The following FAM220A variants were observed in gnomAD, a reference collection of about 807,000 sequenced individuals.
The protein encoded by FAM220A is protein FAM220A.
For synonymous variants in FAM220A, 141 were observed against 130.7 expected (o/e 1.08, Z -0.54); for missense variants, 392 against 321.6 (o/e 1.22, Z -1.68).
intron 1 of FAM220A, among the ~76,000 whole-genome samples, chr7:6,343,397 CATATATATATAT>C (rs10529573): frequency 0.022 from 1,925 of 86,896 alleles, 29 homozygotes; most frequent in African/African-American, 0.033. Flanking sequence ...ATAATAATTT[CATATATATATAT>C]ATATATATAT....
At chr7:6,335,970 C>T (rs556845211) in intron 1 of FAM220A, among the ~76,000 whole-genome samples, 70 of 151,992 alleles carry the variant, frequency 4.6e-4, no homozygotes, top group African/African-American at 1.4e-3. Flanking sequence ...GACAGGAGTT[C>T]GAGATCAGCC....
In FAM220A at chr7:6,330,065, G is replaced by C. The variant is rs751780758; in HGVS notation, c.*310C>G. 3.0e-6 allele frequency: 1 copy of C among 329,044 alleles called. No homozygotes were observed. The highest frequency in any genetic ancestry group is 7.8e-5 in the East Asian group (1 of 12,752). 20.4% of individuals were successfully genotyped at this position (329,044 alleles called of 1,614,324 possible). A position where few individuals can be genotyped will look rare whatever the true frequency, so the allele number is the denominator to read the frequency against. ...TTTGGGACAGTAGCCCTTTAGAATGGATGTTGAAGACAGAACTTCATGGTA... is the reference window on the plus strand; with the variant it reads ...TTTGGGACAGTAGCCCTTTAGAATGCATGTTGAAGACAGAACTTCATGGTA... On this transcript the variant is annotated 3_prime_UTR_variant, in exon 2 of 2. Coordinates refer to ENST00000313324, the MANE Select transcript of FAM220A (RefSeq NM_001037163.2).
At position 6,348,596 on chromosome 7, in the gene FAM220A, T is replaced by C. The variant is rs890645995; in HGVS notation, c.-105A>G. 4.4e-6 allele frequency: 2 copies of C among 451,766 alleles called. No homozygotes were observed. The highest frequency in any genetic ancestry group is 3.9e-6 in the Non-Finnish European group (1 of 253,736). The allele number at this position is 451,766 out of a possible 1,614,324, so 28.0% of individuals were successfully genotyped here. A position where few individuals can be genotyped will look rare whatever the true frequency, so the allele number is the denominator to read the frequency against. ...ACCTGCAGGCGGACGTTGAGCATCATGGAAGCCACGATGTAGAGGTAGGGG... is the reference window on the plus strand; with the variant it reads ...ACCTGCAGGCGGACGTTGAGCATCACGGAAGCCACGATGTAGAGGTAGGGG... On this transcript the variant is annotated 5_prime_UTR_variant, in exon 1 of 2. It removes an upstream start codon present in the reference 5' UTR. Coordinates refer to ENST00000313324, the MANE Select transcript of FAM220A (RefSeq NM_001037163.2).
At chr7:6,344,892 C>A (rs1267481603) in intron 1 of FAM220A, among the ~76,000 whole-genome samples, 2 of 152,006 alleles carry the variant, frequency 1.3e-5, no homozygotes, top group African/African-American at 4.8e-5. Flanking sequence ...CAGGCGCATG[C>A]CGCCATGCCC....
rs748535541 is a variant in FAM220A at position 6,330,579 on chromosome 7, C to T, written c.576G>A (p.Leu192=). The part of the protein sequence containing the change: ...ELEPACLHSI[L]SATLHVYPEV... ...CGGGATACACGTGCAGCGTTGCAGA[C>T]AGGATGGAGTGCAGGCAAGCGGGTT... The change falls in exon 2 of 2, where the codon CTG becomes CTA. Residue 192 remains leucine (L), a synonymous_variant. Transcript: ENST00000313324. 4 of 1,614,158 alleles carry T rather than the reference C, an allele frequency of 2.5e-6. No individual in the cohort carries two copies. The highest frequency in any genetic ancestry group is 3.3e-4 in the Middle Eastern group (2 of 6,062).
chr7:6,337,407 C>T (rs1342326205), intron 1 of FAM220A, among the ~76,000 whole-genome samples: 1 of 152,190 alleles, frequency 6.6e-6, no homozygotes, highest in East Asian at 1.9e-4. Context: ...CAGGCGTGAG[C>T]CACTGCGCCC....
chr7:6,343,194 T>C (rs1388328558), intron 1 of FAM220A, among the ~76,000 whole-genome samples: 2 of 151,086 alleles, frequency 1.3e-5, no homozygotes, highest in African/African-American at 4.9e-5. Context: ...CTGGCCAACA[T>C]GGTGAAGCCC....
At position 6,330,047 on chromosome 7, in the gene FAM220A, C is replaced by T; in HGVS notation, c.*328G>A. 6.8e-6 allele frequency: 2 copies of T among 295,032 alleles called. No homozygotes were observed. Among genetic ancestry groups the T allele is most frequent in the South Asian group, 9.5e-5 (2 of 21,128 alleles). The allele number at this position is 295,032 out of a possible 1,614,324, so 18.3% of individuals were successfully genotyped here. A position where few individuals can be genotyped will look rare whatever the true frequency, so the allele number is the denominator to read the frequency against. Reference sequence around the variant, plus strand: ...TCAAAAGGACACACAGGATTTGGGACAGTAGCCCTTTAGAATGGATGTTGA... The same window carrying T: ...TCAAAAGGACACACAGGATTTGGGATAGTAGCCCTTTAGAATGGATGTTGA... On this transcript the variant is annotated 3_prime_UTR_variant, in exon 2 of 2. Transcript: ENST00000313324.
chr7:6,333,304 G>T (rs1583236329), intron 1 of FAM220A, among the ~76,000 whole-genome samples: 1 of 152,130 alleles, frequency 6.6e-6, no homozygotes, highest in East Asian at 1.9e-4. Flanking sequence ...CCGGTGATTG[G>T]AGCCAGCCGA....
At chr7:6,341,371 G>A (rs1475567077) in intron 1 of FAM220A, among the ~76,000 whole-genome samples, 1 of 150,870 alleles carries the variant, frequency 6.6e-6, no homozygotes, top group Non-Finnish European at 1.5e-5. Flanking sequence ...TGAACCGGGA[G>A]GCGGAGCTTG....
intron 1 of FAM220A, among the ~76,000 whole-genome samples, chr7:6,335,601 T>A (rs1781728803): frequency 6.6e-6 from 1 of 152,160 alleles, no homozygotes; most frequent in South Asian, 2.1e-4. Context: ...CTTTTAACAT[T>A]TTCTATGTTT....
chr7:6,334,823 C>T (rs1781713536), intron 1 of FAM220A, among the ~76,000 whole-genome samples: 1 of 150,910 alleles, frequency 6.6e-6, no homozygotes, highest in African/African-American at 2.4e-5. Context: ...GGCTGGAGTA[C>T]AATGGCACGA....
intron 1 of FAM220A, among the ~76,000 whole-genome samples, chr7:6,340,792 G>C (rs975673737): frequency 1.3e-5 from 2 of 151,004 alleles, no homozygotes; most frequent in Non-Finnish European, 2.9e-5. Context: ...CCAGCTACTC[G>C]GGAGGCTGAG....
chr7:6,346,497 G>T (rs1781953008), intron 1 of FAM220A, among the ~76,000 whole-genome samples: 1 of 152,098 alleles, frequency 6.6e-6, no homozygotes, highest in African/African-American at 2.4e-5. Context: ...CCCACAAGCA[G>T]CTGGGACTAC....
chr7:6,333,428 G>A (rs756717313), intron 1 of FAM220A, among the ~76,000 whole-genome samples: 1 of 152,140 alleles, frequency 6.6e-6, no homozygotes, highest in Non-Finnish European at 1.5e-5. Flanking sequence ...TTAGGAGGCT[G>A]TTCCACAGAG....
chr7:6,347,897 T>TATTATG (rs1192484826), intron 1 of FAM220A, among the ~76,000 whole-genome samples: 1 of 145,296 alleles, frequency 6.9e-6, no homozygotes, highest in Non-Finnish European at 1.5e-5. Context: ...TTATTATTAT[T>TATTATG]ATTATTATTA....
intron 1 of FAM220A, among the ~76,000 whole-genome samples, chr7:6,337,036 A>T (rs1296778799): frequency 6.6e-6 from 1 of 151,994 alleles, no homozygotes; most frequent in African/African-American, 2.4e-5. Context: ...GGATTCCTAA[A>T]TATATTTCAA....
intron 1 of FAM220A, among the ~76,000 whole-genome samples, chr7:6,339,129 A>G (rs1781801672): frequency 6.6e-6 from 1 of 152,180 alleles, no homozygotes. Flanking sequence ...CAAGGAACAC[A>G]CTAACATCAC....
rs1257621805 is a variant in FAM220A at position 6,344,589 on chromosome 7, T to C, written c.-82+3984A>G. On this transcript the variant is annotated intron_variant, in intron 1 of 1. Coordinates refer to ENST00000313324, the MANE Select transcript of FAM220A (RefSeq NM_001037163.2). ...ATGCACCACCACGCCCAGCTAATTT[T>C]TGTATTTTTTGTAGAGACGGAGTTT... 3.9e-5 allele frequency among the ~76,000 whole-genome samples: 6 copies of C among 152,066 alleles called. No individual in the cohort carries two copies. In the East Asian group the frequency reaches 9.7e-4, roughly 25 times the overall value.
Sources: allele counts gnomAD v4.1 joint callset (sites outside exome capture counted in the v4.1 genomes callset), GRCh38; gene constraint gnomAD v4.1.1; transcripts MANE v1.5; gene names NCBI Gene and HGNC (gene_info 2026-07-23, HGNC 2026-07-21).